PPP4R3B: variants seen among roughly 807,000 people sequenced by gnomAD.
PPP4R3B encodes serine/threonine-protein phosphatase 4 regulatory subunit 3B.
In PPP4R3B, 52 loss-of-function variants were observed where a neutral mutation model predicts 95.4. The ratio of observed to expected loss-of-function variants is 0.54; its 90% CI spans 0.44 to 0.69. The LOEUF (loss-of-function observed/expected upper bound fraction) is 0.69. Among genes scored for constraint, PPP4R3B ranks in the 30% least tolerant of loss-of-function variants. The probability of loss-of-function intolerance (pLI) is 0.00; values close to 1 mark genes in which losing one functional copy is unlikely to be tolerated. For missense variants in PPP4R3B, 1,003 were observed against 1,005.9 expected (o/e 1.00, Z 0.04); for synonymous variants, 407 against 343.9 (o/e 1.18, Z -2.03).
At chr2:55,563,666 G>C (rs1686913711) in intron 15 of PPP4R3B, among the ~76,000 whole-genome samples, 1 of 152,140 alleles carries the variant, frequency 6.6e-6, no homozygotes, top group Non-Finnish European at 1.5e-5. Flanking sequence ...GAGCCGCCAT[G>C]CCCAGCAAGG....
intron 8 of PPP4R3B, 97 bp downstream of exon 8, chr2:55,581,470 G>T: frequency 7.7e-7 from 1 of 1,301,214 alleles, no homozygotes. Flanking sequence ...AATACCAACT[G>T]GACAAATACT....
At chr2:55,583,661 T>G (rs1689722351) in intron 7 of PPP4R3B, among the ~76,000 whole-genome samples, 1 of 152,138 alleles carries the variant, frequency 6.6e-6, no homozygotes, top group Admixed American at 6.6e-5. Flanking sequence ...ACCAATGAGA[T>G]TATAAAATGA....
At chr2:55,561,613 G>T (rs753012084) in intron 15 of PPP4R3B, among the ~76,000 whole-genome samples, 5 of 152,248 alleles carry the variant, frequency 3.3e-5, no homozygotes, top group Non-Finnish European at 5.9e-5. Flanking sequence ...CCTACCTGTT[G>T]TATCAGCATG....
rs1346128457 is a variant in PPP4R3B at position 55,549,186 on chromosome 2, T to C, written c.*725A>G. On this transcript the variant is annotated 3_prime_UTR_variant, in exon 17 of 17. Coordinates refer to ENST00000616407, the MANE Select transcript of PPP4R3B (RefSeq NM_001122964.3). ...TTCAAATTTCTAGAGAAAATCATTTTGGAATACTACTGTACTGATTCTTGG... is the reference window on the plus strand; with the variant it reads ...TTCAAATTTCTAGAGAAAATCATTTCGGAATACTACTGTACTGATTCTTGG... 1 of 152,302 alleles carries C rather than the reference T, an allele frequency of 6.6e-6. No individual in the cohort carries two copies. Among genetic ancestry groups the C allele is most frequent in the African/African-American group, 2.4e-5 (1 of 41,460 alleles). 9.4% of individuals were successfully genotyped at this position (152,302 alleles called of 1,614,324 possible).
chr2:55,585,901 T>A (rs1690069867), intron 6 of PPP4R3B, among the ~76,000 whole-genome samples: 1 of 152,086 alleles, frequency 6.6e-6, no homozygotes, highest in Non-Finnish European at 1.5e-5. Flanking sequence ...TCATTTTCAC[T>A]CTCATTCAAT....
intron 2 of PPP4R3B, among the ~76,000 whole-genome samples, chr2:55,604,867 G>A (rs974094480): frequency 1.3e-5 from 2 of 151,928 alleles, no homozygotes; most frequent in Non-Finnish European, 2.9e-5. Flanking sequence ...TTGAGACAGG[G>A]TCTTGCTCTG....
chr2:55,578,426 T>C, intron 9 of PPP4R3B, 84 bp from the exon 10 acceptor site: 3 of 1,160,768 alleles, frequency 2.6e-6, no homozygotes, highest in Non-Finnish European at 2.2e-6. Flanking sequence ...TATATATTTC[T>C]GTAAGCTGGA....
In PPP4R3B at chr2:55,588,890, G is replaced by A. The variant is rs1690560414; in HGVS notation, c.988C>T (p.Arg330Trp). ...LTDEATDDDK[R>W]RELVNFFKEF... ...ATTTCATAACTTACCAATTCACGCC[G>A]TTTATCATCATCTGTAGCCTCATCT... The change falls in exon 5 of 17, where the codon CGG becomes TGG. Residue 330 changes from arginine to tryptophan, a missense_variant. By Grantham distance (101) the Arg-to-Trp change is moderately radical. Around this residue, in one of 3 missense-constraint regions of PPP4R3B, gnomAD observed 695 missense variants for 686.2 expected, o/e 1.01. Coordinates refer to ENST00000616407, the MANE Select transcript of PPP4R3B (RefSeq NM_001122964.3). 4 of 1,606,516 alleles carry A rather than the reference G, an allele frequency of 2.5e-6. No homozygotes were observed. Among genetic ancestry groups the A allele is most frequent in the Non-Finnish European group, 3.4e-6 (4 of 1,175,256 alleles).
Position 55,564,923 on chromosome 2 carries a change from C to T in PPP4R3B, c.2054G>A (p.Arg685Lys). The change falls in exon 14 of 17, where the codon AGA becomes AAA. Residue 685 changes from arginine to lysine, a missense_variant. Arg to Lys is a conservative substitution (Grantham distance 26). Transcript: ENST00000616407. ...LKTKYEQEKD[R>K]QNQKLNSVPS... ...ATACCTGTTCAGTTTCTGATTTTGT[C>T]TGTCTTTTTCTTGCTCATATTTAGT... 1.2e-6 allele frequency: 2 copies of T among 1,610,128 alleles called. No homozygotes were observed. Among genetic ancestry groups the T allele is most frequent in the Non-Finnish European group, 1.7e-6 (2 of 1,178,598 alleles).
At chr2:55,563,244 C>T (rs1250971318) in intron 15 of PPP4R3B, among the ~76,000 whole-genome samples, 1 of 152,098 alleles carries the variant, frequency 6.6e-6, no homozygotes, top group African/African-American at 2.4e-5. Context: ...AAAATGAGTA[C>T]GAACAATAGT....
intron 4 of PPP4R3B, 60 bp downstream of exon 4, chr2:55,598,356 A>T: frequency 6.5e-7 from 1 of 1,529,110 alleles, no homozygotes; most frequent in Non-Finnish European, 8.8e-7. Flanking sequence ...CACCTGCTTG[A>T]ACTATTAAGG....
chr2:55,609,736 C>G (rs1446088385), intron 2 of PPP4R3B, among the ~76,000 whole-genome samples: 2 of 150,790 alleles, frequency 1.3e-5, no homozygotes, highest in Non-Finnish European at 2.9e-5. Context: ...ACTTCAAAGC[C>G]CGGATGGAAA....
intron 5 of PPP4R3B, among the ~76,000 whole-genome samples, chr2:55,587,322 G>A (rs928935954): frequency 4.6e-5 from 7 of 152,332 alleles, no homozygotes; most frequent in East Asian, 3.9e-4. Flanking sequence ...AGTGGCTCAC[G>A]CCTGTAATCC....
chr2:55,565,605 T>C (rs745682690), intron 13 of PPP4R3B: 20 of 152,148 alleles, frequency 1.3e-4, no homozygotes, highest in South Asian at 2.1e-4. Flanking sequence ...ACCAAATACA[T>C]CTGTATAATA....
chr2:55,608,089 T>A (rs1665914162), intron 2 of PPP4R3B, among the ~76,000 whole-genome samples: 1 of 152,190 alleles, frequency 6.6e-6, no homozygotes. Flanking sequence ...CACTGCAACC[T>A]CCACCTCTGG....
intron 2 of PPP4R3B, among the ~76,000 whole-genome samples, chr2:55,605,006 T>A (rs1693189084): frequency 6.6e-6 from 1 of 151,898 alleles, no homozygotes; most frequent in Non-Finnish European, 1.5e-5. Flanking sequence ...GCCACACTAA[T>A]TTTTCGTAGA....
At chr2:55,557,205 C>A (rs1685966982) in intron 16 of PPP4R3B, among the ~76,000 whole-genome samples, 1 of 152,112 alleles carries the variant, frequency 6.6e-6, no homozygotes, top group South Asian at 2.1e-4. Flanking sequence ...GGCAAATATT[C>A]TTTTTTGAGC....
rs886551268 is a variant in PPP4R3B, at chr2:55,602,960, C to CT, written c.297+1017dup. 1.7e-3 allele frequency among the ~76,000 whole-genome samples: 256 copies of CT among 149,394 alleles called. 2 individuals carry two copies. The highest frequency in any genetic ancestry group is 4.0e-3 in the South Asian group (19 of 4,716). ...CACAAAAATTTCTAGGACGAATACTCTTTTTTTTTTTTTTGAGACAGTCTT... is the reference window on the plus strand; with the variant it reads ...CACAAAAATTTCTAGGACGAATACTCTTTTTTTTTTTTTTTGAGACAGTCTT... On this transcript the variant is annotated intron_variant, in intron 3 of 16. Coordinates refer to ENST00000616407, the MANE Select transcript of PPP4R3B (RefSeq NM_001122964.3).
intron 3 of PPP4R3B, among the ~76,000 whole-genome samples, chr2:55,602,763 C>T (rs1692809981): frequency 6.6e-6 from 1 of 152,180 alleles, no homozygotes; most frequent in Non-Finnish European, 1.5e-5. Flanking sequence ...CTGCCCTATG[C>T]ACCTTTTCCC....
Sources: gnomAD v4.1 joint callset for allele counts (sites outside exome capture counted in the v4.1 genomes callset) on GRCh38, gnomAD v4.1.1 for gene constraint, gnomAD v4.1.1 regional missense constraint, MANE v1.5 for transcripts, NCBI Gene and HGNC (gene_info 2026-07-23, HGNC 2026-07-21) for gene names.